NLGN1: variants seen among roughly 807,000 people sequenced by gnomAD.
NLGN1 encodes the protein neuroligin-1.
NLGN1 carries 12 observed loss-of-function variants against 65.5 expected under a neutral mutation model. The observed-to-expected ratio is 0.18, with a 90% CI of 0.12 to 0.30. The LOEUF is 0.30. Ranked by LOEUF, NLGN1 falls within the 10% of genes least tolerant of loss-of-function variation. The pLI, the probability that NLGN1 is intolerant of heterozygous loss-of-function variation, is 1.00. For synonymous variants in NLGN1, 350 were observed against 359.5 expected, an observed-to-expected ratio of 0.97 and a Z score of 0.30; for missense variants, 750 against 1,007.1, an observed-to-expected ratio of 0.74 and a Z score of 3.46.
intron 2 of NLGN1, among the ~76,000 whole-genome samples, chr3:173,500,668 A>G (rs1272107289): frequency 6.6e-6 from 1 of 152,086 alleles, no homozygotes; most frequent in Non-Finnish European, 1.5e-5. Flanking sequence ...TTTGGCTGTG[A>G]ATTCATCTGG....
At chr3:174,049,551 G>A (rs1189255952) in intron 4 of NLGN1, among the ~76,000 whole-genome samples, 1 of 152,058 alleles carries the variant, frequency 6.6e-6, no homozygotes, top group Non-Finnish European at 1.5e-5. Flanking sequence ...GAATGTCAGT[G>A]TGTAACTACT....
intron 3 of NLGN1, among the ~76,000 whole-genome samples, chr3:173,756,673 A>AT (rs150969656): frequency 0.11 from 17,003 of 151,732 alleles, 1,007 homozygotes; most frequent in South Asian, 0.26. Flanking sequence ...AAAATGGCTG[A>AT]TTACAGATCT....
chr3:174,044,034 C>G (rs889428992), intron 4 of NLGN1, among the ~76,000 whole-genome samples: 1 of 152,196 alleles, frequency 6.6e-6, no homozygotes, highest in African/African-American at 2.4e-5. Flanking sequence ...CATGAGGAAG[C>G]TGCCGAGGCT....
chr3:173,707,005 C>T (rs1768143547), intron 3 of NLGN1, among the ~76,000 whole-genome samples: 1 of 152,222 alleles, frequency 6.6e-6, no homozygotes, highest in South Asian at 2.1e-4. Flanking sequence ...TCAGAAATCT[C>T]ATATTCCTTT....
At chr3:173,441,357 CAA>C (rs1014089921) in intron 2 of NLGN1, among the ~76,000 whole-genome samples, 7 of 152,152 alleles carry the variant, frequency 4.6e-5, no homozygotes, top group Non-Finnish European at 1.0e-4. Flanking sequence ...CCATTTGAAA[CAA>C]GAGCCCTAGC....
intron 4 of NLGN1, among the ~76,000 whole-genome samples, chr3:174,228,640 C>T (rs9859688): frequency 0.01 from 1,581 of 152,120 alleles, 32 homozygotes; most frequent in African/African-American, 0.036. Context: ...AATAAAATTC[C>T]ATTTGCGCTT....
In NLGN1 at chr3:174,154,923, A is replaced by G. The variant is rs1408727856; in HGVS notation, c.647-120392A>G. Among the ~76,000 whole-genome samples, 8 of 135,954 alleles carry G rather than the reference A, an allele frequency of 5.9e-5. No individual in the cohort carries two copies. In the East Asian group the frequency reaches 1.7e-3, roughly 29 times the overall value. The allele number at this position is 135,954 out of a possible 152,430, so 89.2% of individuals were successfully genotyped here. A position where few individuals can be genotyped will look rare whatever the true frequency, so the allele number is the denominator to read the frequency against. ...TTTCATTTTATATTAAGATATTTATATTTAATTTATATTTTATATATAATA... is the reference window on the plus strand; with the variant it reads ...TTTCATTTTATATTAAGATATTTATGTTTAATTTATATTTTATATATAATA... On this transcript the variant is annotated intron_variant, in intron 4 of 6. Coordinates refer to ENST00000457714, the Ensembl canonical transcript of NLGN1.
At chr3:173,660,595 G>C (rs956686625) in intron 3 of NLGN1, among the ~76,000 whole-genome samples, 2 of 151,702 alleles carry the variant, frequency 1.3e-5, no homozygotes, top group African/African-American at 4.8e-5. Context: ...GTGATCTTTG[G>C]AATATAATAC....
chr3:174,216,223 C>T (rs1485690995), intron 4 of NLGN1, among the ~76,000 whole-genome samples: 1 of 152,118 alleles, frequency 6.6e-6, no homozygotes, highest in Non-Finnish European at 1.5e-5. Flanking sequence ...TAGCACCACC[C>T]TCTGTACATC....
At chr3:173,787,652 C>G (rs1252702163) in intron 3 of NLGN1, among the ~76,000 whole-genome samples, 4 of 152,152 alleles carry the variant, frequency 2.6e-5, no homozygotes, top group Non-Finnish European at 5.9e-5. Context: ...CATATTGATT[C>G]TTGTAATCCA....
intron 4 of NLGN1, among the ~76,000 whole-genome samples, chr3:174,179,618 C>T (rs1483961902): frequency 1.3e-5 from 2 of 151,900 alleles, no homozygotes; most frequent in East Asian, 3.9e-4. Flanking sequence ...TAAAGAATTC[C>T]ATGTTAACTC....
intron 2 of NLGN1, among the ~76,000 whole-genome samples, chr3:173,562,146 A>G (rs1742839266): frequency 1.3e-5 from 2 of 152,374 alleles, no homozygotes; most frequent in East Asian, 3.9e-4. Context: ...GAAAGGCAGC[A>G]CGTTTGACCA....
At position 174,092,688 on chromosome 3, in the gene NLGN1, C is replaced by T. The variant is rs146044814; in HGVS notation, c.647-182627C>T. On this transcript the variant is annotated intron_variant, in intron 4 of 6. Coordinates refer to ENST00000457714, the Ensembl canonical transcript of NLGN1. ...CAGCAGGGAAATTGGGTCTCTAGGGCCCATATCTGCTGCCATATATGCACT... is the reference window on the plus strand; with the variant it reads ...CAGCAGGGAAATTGGGTCTCTAGGGTCCATATCTGCTGCCATATATGCACT... Among the ~76,000 whole-genome samples, 932 of 152,082 alleles carry T rather than the reference C, an allele frequency of 6.1e-3. 21 individuals carry two copies. The highest frequency in any genetic ancestry group is 0.037 in the East Asian group (190 of 5,164).
rs371557992 is a variant in NLGN1 at position 173,551,757 on chromosome 3, C to T, written c.-320-52522C>T. Among the ~76,000 whole-genome samples, 137 of 152,286 alleles carry T rather than the reference C, an allele frequency of 9.0e-4. 1 individual carries two copies. Among genetic ancestry groups the T allele is most frequent in the Middle Eastern group, 3.4e-3 (1 of 292 alleles). Reference sequence around the variant, plus strand: ...CATATTCCAGGTTACCCATTTACTACTCATGTGACCCCCACACAAGCTACT... The same window carrying T: ...CATATTCCAGGTTACCCATTTACTATTCATGTGACCCCCACACAAGCTACT... On this transcript the variant is annotated intron_variant, in intron 2 of 6. Transcript: ENST00000457714.
intron 2 of NLGN1, among the ~76,000 whole-genome samples, chr3:173,583,777 C>G (rs1403491906): frequency 2.6e-5 from 4 of 152,116 alleles, no homozygotes; most frequent in Non-Finnish European, 5.9e-5. Context: ...TGTAATGACT[C>G]TTAGGTCTTG....
intron 2 of NLGN1, among the ~76,000 whole-genome samples, chr3:173,539,729 T>C (rs991972376): frequency 1.5e-5 from 2 of 132,584 alleles, no homozygotes; most frequent in Non-Finnish European, 3.1e-5. Context: ...CATATGCACA[T>C]ATATACATAT....
intron 4 of NLGN1, among the ~76,000 whole-genome samples, chr3:174,227,607 G>A (rs1739955506): frequency 6.6e-6 from 1 of 151,864 alleles, no homozygotes; most frequent in Non-Finnish European, 1.5e-5. Context: ...ACACAAAAAG[G>A]CCCTCATAAT....
At chr3:173,746,575 A>G (rs1473626927) in intron 3 of NLGN1, among the ~76,000 whole-genome samples, 3 of 151,796 alleles carry the variant, frequency 2.0e-5, no homozygotes, top group Non-Finnish European at 4.4e-5. Context: ...CTTCACGAAA[A>G]CCATTCTTGA....
At chr3:174,236,311 A>AT (rs1741704308) in intron 4 of NLGN1, among the ~76,000 whole-genome samples, 1 of 151,992 alleles carries the variant, frequency 6.6e-6, no homozygotes. Context: ...GCCTATATAT[A>AT]TTTTTTTCCT....
Sources: gnomAD v4.1 joint callset for allele counts (sites outside exome capture counted in the v4.1 genomes callset) on GRCh38, gnomAD v4.1.1 for gene constraint, MANE v1.5 for transcripts, NCBI Gene and HGNC (gene_info 2026-07-23, HGNC 2026-07-21) for gene names.